The following IGFBP7 variants were observed in gnomAD, a reference collection of about 807,000 sequenced individuals.
IGFBP7 encodes insulin-like growth factor-binding protein 7.
A neutral mutation model predicts 29.4 loss-of-function variants in IGFBP7; 31 were observed. The ratio of observed to expected loss-of-function variants is 1.05; its 90% CI spans 0.79 to 1.42. The LOEUF is 1.42. Among genes scored for constraint, IGFBP7 ranks in the 40% most tolerant of loss-of-function variants. The pLI, the probability that IGFBP7 is intolerant of heterozygous loss-of-function variation, is 0.00. For missense variants in IGFBP7, 393 were observed against 395.5 expected (o/e 0.99, Z 0.05); for synonymous variants, 172 against 174.9 (o/e 0.98, Z 0.13).
chr4:57,109,366 G>A (rs1202113052), intron 1 of IGFBP7, among the ~76,000 whole-genome samples: 1 of 152,134 alleles, frequency 6.6e-6, no homozygotes, highest in African/African-American at 2.4e-5. Flanking sequence ...TTGAGGCAGA[G>A]GTTGCAGTGG....
At chr4:57,055,673 A>G (rs112293844) in intron 1 of IGFBP7, among the ~76,000 whole-genome samples, 1 of 151,862 alleles carries the variant, frequency 6.6e-6, no homozygotes, top group African/African-American at 2.4e-5. Flanking sequence ...TTCCATTTTC[A>G]TAAAATAGGG....
chr4:57,058,006 T>C (rs927713743), intron 1 of IGFBP7, among the ~76,000 whole-genome samples: 1 of 152,116 alleles, frequency 6.6e-6, no homozygotes, highest in Non-Finnish European at 1.5e-5. Context: ...CCCATATCCA[T>C]GGGAGCTTGG....
intron 1 of IGFBP7, among the ~76,000 whole-genome samples, chr4:57,052,786 C>T (rs1029870205): frequency 1.3e-5 from 2 of 152,274 alleles, no homozygotes; most frequent in South Asian, 2.1e-4. Context: ...TAAGACACCT[C>T]GTTTTGGGTC....
In IGFBP7 at chr4:57,104,000, C is replaced by T. The variant is rs1219725872; in HGVS notation, c.475+5877G>A. On this transcript the variant is annotated intron_variant, in intron 1 of 4. Transcript: ENST00000295666. ...TCCTTTGACCAACATCTTGCCAATC[C>T]TGTCCCCTCCTCCCAACCCCATCTC... Among the ~76,000 whole-genome samples the T allele has an allele frequency of 2.0e-5, 3 of 152,094 alleles. No individual in the cohort carries two copies. The South Asian group carries it at 6.2e-4, about 31-fold the overall frequency.
intron 1 of IGFBP7, among the ~76,000 whole-genome samples, chr4:57,075,633 A>G (rs1015515362): frequency 3.3e-5 from 4 of 120,552 alleles, no homozygotes; most frequent in African/African-American, 1.2e-4. Flanking sequence ...ACTAAGCTTC[A>G]GTGAAGCAAA....
intron 1 of IGFBP7, among the ~76,000 whole-genome samples, chr4:57,083,094 C>A (rs1725410395): frequency 6.6e-6 from 1 of 152,202 alleles, no homozygotes; most frequent in South Asian, 2.1e-4. Context: ...TATATACAAA[C>A]TATGATACAA....
chr4:57,035,282 C>T (rs1724055817), intron 2 of IGFBP7, among the ~76,000 whole-genome samples: 1 of 152,054 alleles, frequency 6.6e-6, no homozygotes, highest in South Asian at 2.1e-4. Flanking sequence ...TTATTTTTCC[C>T]TTCTTTTCAC....
intron 1 of IGFBP7, among the ~76,000 whole-genome samples, chr4:57,071,127 T>G (rs1475887263): frequency 6.6e-6 from 1 of 152,206 alleles, no homozygotes; most frequent in African/African-American, 2.4e-5. Flanking sequence ...AGGTACCGCA[T>G]GAGCATATGT....
chr4:57,054,462 G>T (rs1713969), intron 1 of IGFBP7, among the ~76,000 whole-genome samples: 1 of 151,332 alleles, frequency 6.6e-6, no homozygotes, highest in Non-Finnish European at 1.5e-5. Flanking sequence ...GTGAAAACCC[G>T]TCTCTACTAA....
At chr4:57,075,757 A>G (rs1366406246) in intron 1 of IGFBP7, among the ~76,000 whole-genome samples, 1 of 152,162 alleles carries the variant, frequency 6.6e-6, no homozygotes, top group Admixed American at 6.5e-5. Flanking sequence ...TAATTTTCAC[A>G]TTTGAAAAAA....
intron 4 of IGFBP7, chr4:57,032,144 A>G: frequency 2.1e-6 from 1 of 474,708 alleles, no homozygotes; most frequent in East Asian, 5.2e-5. Flanking sequence ...GATAGGTAGA[A>G]AGCTATGGGA....
intron 3 of IGFBP7, among the ~76,000 whole-genome samples, chr4:57,032,887 G>A (rs1173714336): frequency 1.3e-5 from 2 of 152,198 alleles, no homozygotes; most frequent in Admixed American, 1.3e-4. Flanking sequence ...GTAAAATAAG[G>A]TATTTATTAA....
At position 57,033,630 on chromosome 4, in the gene IGFBP7, C is replaced by T. The variant is rs567293666; in HGVS notation, c.586-319G>A. Reference sequence around the variant, plus strand: ...TCATGCTCTTGGAAATTCTGCTTCTCAGTTCCAGGCCTTTTGCCTGTCATG... The same window carrying T: ...TCATGCTCTTGGAAATTCTGCTTCTTAGTTCCAGGCCTTTTGCCTGTCATG... On this transcript the variant is annotated intron_variant, in intron 2 of 4. Transcript: ENST00000295666. Among the ~76,000 whole-genome samples, 7 of 152,278 alleles carry T rather than the reference C, an allele frequency of 4.6e-5. No homozygotes were observed. The South Asian group carries it at 1.2e-3, about 27-fold the overall frequency.
intron 1 of IGFBP7, among the ~76,000 whole-genome samples, chr4:57,048,042 G>T (rs534967835): frequency 2.7e-5 from 4 of 147,104 alleles, no homozygotes; most frequent in African/African-American, 1.0e-4. Context: ...CTTCTCCTTT[G>T]CCCCCCTCCG....
Position 57,067,605 on chromosome 4 carries a change from C to T in IGFBP7, c.476-26672G>A, listed in dbSNP as rs115333061. Among the ~76,000 whole-genome samples the T allele has an allele frequency of 2.6e-3, 401 of 152,188 alleles. 3 individuals carry two copies. The highest frequency in any genetic ancestry group is 8.7e-3 in the African/African-American group (363 of 41,506). ...AAAATTCTAGAGACCTGCTGTACAG[C>T]AATGTGCTTATAGTTAACAGCACTG... On this transcript the variant is annotated intron_variant, in intron 1 of 4. Coordinates refer to ENST00000295666, the MANE Select transcript of IGFBP7 (RefSeq NM_001553.3).
chr4:57,081,912 G>A (rs1331976714), intron 1 of IGFBP7, among the ~76,000 whole-genome samples: 2 of 152,110 alleles, frequency 1.3e-5, no homozygotes, highest in South Asian at 2.1e-4. Context: ...GTCCTTTGAC[G>A]TTGATAACTT....
At chr4:57,081,224 T>C (rs141073368) in intron 1 of IGFBP7, among the ~76,000 whole-genome samples, 4 of 152,302 alleles carry the variant, frequency 2.6e-5, no homozygotes, top group Admixed American at 1.3e-4. Flanking sequence ...ACTTGCTTGG[T>C]AATCACTTTG....
At chr4:57,058,521 G>A (rs1032917318) in intron 1 of IGFBP7, among the ~76,000 whole-genome samples, 2 of 152,276 alleles carry the variant, frequency 1.3e-5, no homozygotes, top group South Asian at 2.1e-4. Context: ...TCAATAAATG[G>A]TGCTGGGATA....
At chr4:57,057,250 T>C (rs1441961590) in intron 1 of IGFBP7, among the ~76,000 whole-genome samples, 1 of 152,202 alleles carries the variant, frequency 6.6e-6, no homozygotes. Flanking sequence ...GCTCAAGTGA[T>C]CCCCCTGCCT....
Sources: gnomAD v4.1 joint callset for allele counts (sites outside exome capture counted in the v4.1 genomes callset) on GRCh38, gnomAD v4.1.1 for gene constraint, MANE v1.5 for transcripts, NCBI Gene and HGNC (gene_info 2026-07-23, HGNC 2026-07-21) for gene names.